Variants in NCALD observed in about 807,000 individuals in gnomAD.
NCALD encodes neurocalcin delta.
In NCALD, 10 loss-of-function variants were observed where a neutral mutation model predicts 18.6. The ratio of observed to expected loss-of-function variants is 0.54; its 90% CI spans 0.33 to 0.91. The LOEUF (loss-of-function observed/expected upper bound fraction) is 0.91, where lower values mean the gene tolerates loss of function less well. Among genes scored for constraint, NCALD ranks in the 40% least tolerant of loss-of-function variants. NCALD has a pLI of 0.03. For missense variants in NCALD, 184 were observed against 247.6 expected (o/e 0.74, Z 1.72); for synonymous variants, 88 against 87.4 (o/e 1.01, Z -0.04).
At chr8:101,922,539 A>AC (rs1179084871) in intron 2 of NCALD, among the ~76,000 whole-genome samples, 2 of 152,238 alleles carry the variant, frequency 1.3e-5, no homozygotes, top group African/African-American at 2.4e-5. Context: ...CAGAGTATAT[A>AC]TTTCATTCTT....
intron 1 of NCALD, among the ~76,000 whole-genome samples, chr8:102,055,230 C>T (rs1042302179): frequency 2.0e-5 from 3 of 149,764 alleles, no homozygotes; most frequent in South Asian, 2.1e-4. Flanking sequence ...GAATGAGAGA[C>T]CTAAGTCACA....
intron 2 of NCALD, among the ~76,000 whole-genome samples, chr8:102,001,961 A>G (rs1563529011): frequency 6.6e-6 from 1 of 152,186 alleles, no homozygotes; most frequent in Non-Finnish European, 1.5e-5. Context: ...GGAAGAAACT[A>G]CATCAACTAA....
At chr8:101,901,983 G>A (rs1318893961) in intron 3 of NCALD, among the ~76,000 whole-genome samples, 1 of 152,014 alleles carries the variant, frequency 6.6e-6, no homozygotes, top group East Asian at 1.9e-4. Context: ...TAGAGATGGG[G>A]TTTCACCATA....
chr8:102,001,519 C>A (rs1358900539), intron 2 of NCALD, among the ~76,000 whole-genome samples: 1 of 152,124 alleles, frequency 6.6e-6, no homozygotes, highest in East Asian at 1.9e-4. Context: ...TCAGGAAATA[C>A]AGAGAATGCC....
In NCALD at chr8:101,710,187, C is replaced by T. The variant is rs181192450; in HGVS notation, c.378+9065G>A. Among the ~76,000 whole-genome samples, 487 of 152,274 alleles carry T rather than the reference C, an allele frequency of 3.2e-3. 4 individuals are homozygous for T. The highest frequency in any genetic ancestry group is 0.011 in the African/African-American group (468 of 41,562). The stretch of plus-strand genomic sequence containing the variant: ...AGTGCAAGGGGTTGGGGAACTCCCT[C>T]CCCTAGCCAAGGGAAGCCATGCTGT... On this transcript the variant is annotated intron_variant, in intron 2 of 3. Coordinates refer to ENST00000220931, the MANE Select transcript of NCALD (RefSeq NM_032041.3).
chr8:101,728,652 C>G (rs1259524801), intron 1 of NCALD, among the ~76,000 whole-genome samples: 1 of 152,162 alleles, frequency 6.6e-6, no homozygotes, highest in African/African-American at 2.4e-5. Flanking sequence ...AACCCCATCT[C>G]TACTAAAAAT....
intron 2 of NCALD, among the ~76,000 whole-genome samples, chr8:102,013,240 T>C (rs1821967276): frequency 6.6e-6 from 1 of 152,162 alleles, no homozygotes; most frequent in Admixed American, 6.5e-5. Flanking sequence ...TTTTCTCTAT[T>C]TCTGGTCTCA....
intron 2 of NCALD, 149 bp downstream of exon 2, chr8:101,719,103 T>G: frequency 1.1e-6 from 1 of 903,396 alleles, no homozygotes; most frequent in Non-Finnish European, 1.6e-6. Context: ...TGTAATGCAG[T>G]TTAAACTGTT....
chr8:101,908,238 C>T (rs994912198), intron 3 of NCALD, among the ~76,000 whole-genome samples: 5 of 152,200 alleles, frequency 3.3e-5, no homozygotes, highest in Non-Finnish European at 2.9e-5. Context: ...TGCAGGAATT[C>T]GCAATAATCC....
At chr8:102,031,292 G>A (rs141791477) in intron 1 of NCALD, among the ~76,000 whole-genome samples, 2 of 152,314 alleles carry the variant, frequency 1.3e-5, no homozygotes, top group East Asian at 3.9e-4. Flanking sequence ...AAGGGATGGA[G>A]CAGGAAGGTA....
intron 4 of NCALD, among the ~76,000 whole-genome samples, chr8:101,864,310 C>A (rs949221257): frequency 6.6e-6 from 1 of 152,118 alleles, no homozygotes; most frequent in Non-Finnish European, 1.5e-5. Context: ...CAACAACCAA[C>A]AACAAAGCAG....
chr8:101,925,065 A>G (rs1482487738), intron 2 of NCALD, among the ~76,000 whole-genome samples: 2 of 149,384 alleles, frequency 1.3e-5, no homozygotes, highest in Non-Finnish European at 2.9e-5. Context: ...ATGACAAAAG[A>G]AAAAAAAATA....
chr8:101,737,853 C>A (rs1809997503), intron 1 of NCALD, among the ~76,000 whole-genome samples: 1 of 152,180 alleles, frequency 6.6e-6, no homozygotes, highest in South Asian at 2.1e-4. Context: ...GAAACGATGG[C>A]TCCATTCTAT....
At chr8:102,072,878 C>A (rs1031770121) in intron 1 of NCALD, among the ~76,000 whole-genome samples, 6 of 151,972 alleles carry the variant, frequency 3.9e-5, no homozygotes, top group African/African-American at 4.8e-5. Context: ...ACATTTTTTT[C>A]ATAAGTGTAA....
At chr8:101,897,559 A>G (rs1817246111) in intron 3 of NCALD, among the ~76,000 whole-genome samples, 1 of 152,146 alleles carries the variant, frequency 6.6e-6, no homozygotes, top group South Asian at 2.1e-4. Flanking sequence ...CCACTCACCT[A>G]TTGTAGGACA....
intron 2 of NCALD, among the ~76,000 whole-genome samples, chr8:101,961,006 C>A (rs943656184): frequency 1.3e-5 from 2 of 152,120 alleles, no homozygotes; most frequent in African/African-American, 4.8e-5. Flanking sequence ...CCATAGCACT[C>A]ATCACTATCT....
intron 1 of NCALD, among the ~76,000 whole-genome samples, chr8:101,744,530 CTTCT>C (rs1810348709): frequency 6.6e-6 from 1 of 152,188 alleles, no homozygotes; most frequent in Non-Finnish European, 1.5e-5. Flanking sequence ...TATCTTTTAT[CTTCT>C]TTCTATCAAG....
chr8:102,029,238 G>C (rs1005112082), intron 1 of NCALD: 1 of 152,204 alleles, frequency 6.6e-6, no homozygotes, highest in Non-Finnish European at 1.5e-5. Context: ...AGGAAAGACA[G>C]GGAAATGGGC....
intron 4 of NCALD, among the ~76,000 whole-genome samples, chr8:101,845,375 T>C (rs905587754): frequency 6.6e-6 from 1 of 152,170 alleles, no homozygotes; most frequent in African/African-American, 2.4e-5. Context: ...GTGCTCTGTG[T>C]GCACTTTTTA....
Sources: gnomAD v4.1 joint callset for allele counts (sites outside exome capture counted in the v4.1 genomes callset) on GRCh38, gnomAD v4.1.1 for gene constraint, MANE v1.5 for transcripts, NCBI Gene and HGNC (gene_info 2026-07-23, HGNC 2026-07-21) for gene names.